The following UVRAG variants were observed in gnomAD, a reference collection of about 807,000 sequenced individuals.
UVRAG encodes the protein UV radiation resistance associated, also known as UV radiation resistance-associated gene protein.
In UVRAG, 19 loss-of-function variants were observed where a neutral mutation model predicts 78.0. The ratio of observed to expected loss-of-function variants is 0.24; its 90% confidence interval spans 0.17 to 0.36. The LOEUF is 0.36. UVRAG is among the 10% of genes least tolerant of loss of function. The pLI is 1.00. For synonymous variants in UVRAG, 323 were observed against 324.6 expected, an observed-to-expected ratio of 1.00 and a Z score of 0.05; for missense variants, 740 against 853.8, an observed-to-expected ratio of 0.87 and a Z score of 1.66.
chr11:76,101,407 A>T (rs7121876), intron 13 of UVRAG, among the ~76,000 whole-genome samples: 5 of 151,790 alleles, frequency 3.3e-5, no homozygotes, highest in Admixed American at 6.6e-5. Flanking sequence ...AGACACTTTT[A>T]AAAAGTGTCT....
intron 13 of UVRAG, among the ~76,000 whole-genome samples, chr11:76,082,933 C>T (rs1591216321): frequency 6.6e-6 from 1 of 151,938 alleles, no homozygotes; most frequent in Non-Finnish European, 1.5e-5. Flanking sequence ...ACTTAGGAGG[C>T]TGAGGTGGGA....
intron 6 of UVRAG, among the ~76,000 whole-genome samples, chr11:75,942,678 C>T (rs945862665): frequency 3.3e-5 from 5 of 152,098 alleles, no homozygotes; most frequent in Non-Finnish European, 7.4e-5. Context: ...ACATTAAACA[C>T]TTGCTAAGTG....
chr11:75,910,275 A>G (rs1024903173), intron 5 of UVRAG, among the ~76,000 whole-genome samples: 4 of 152,196 alleles, frequency 2.6e-5, no homozygotes, highest in Non-Finnish European at 5.9e-5. Flanking sequence ...GGTGCTTATT[A>G]AATACCTTTC....
chr11:75,973,611 G>A (rs1949169797), intron 7 of UVRAG, among the ~76,000 whole-genome samples: 1 of 152,098 alleles, frequency 6.6e-6, no homozygotes, highest in African/African-American at 2.4e-5. Flanking sequence ...ACAATGTGCA[G>A]TTTTGTTACA....
chr11:75,931,080 C>G (rs1191371557), intron 6 of UVRAG, among the ~76,000 whole-genome samples: 1 of 151,684 alleles, frequency 6.6e-6, no homozygotes, highest in Non-Finnish European at 1.5e-5. Context: ...CATGACAGAA[C>G]TATAAATGTT....
chr11:75,937,648 C>CT (rs1565388622), intron 6 of UVRAG, among the ~76,000 whole-genome samples: 1 of 152,036 alleles, frequency 6.6e-6, no homozygotes, highest in Non-Finnish European at 1.5e-5. Flanking sequence ...TGTAGTGTGT[C>CT]TTTTTTTCCT....
chr11:75,828,826 CA>C (rs1413374412), intron 1 of UVRAG, among the ~76,000 whole-genome samples: 3 of 106,866 alleles, frequency 2.8e-5, no homozygotes, highest in African/African-American at 1.0e-4. Context: ...TTTGTAGAGA[CA>C]GGGTTTTGCT....
Position 75,983,810 on chromosome 11 carries a change from A to G in UVRAG, c.826+297A>G, listed in dbSNP as rs550742454. On this transcript the variant is annotated intron_variant, in intron 8 of 14. Transcript: ENST00000356136. ...TGTAGGCAACTATAACACAATGGTG[A>G]GTATTTATGTATCTAAATATATCTA... is the stretch of plus-strand genomic sequence containing the variant. 14 of 237,476 alleles carry G rather than the reference A, an allele frequency of 5.9e-5. No individual in the cohort carries two copies. In the East Asian group the frequency reaches 1.2e-3, roughly 20 times the overall value. 14.7% of individuals were successfully genotyped at this position (237,476 alleles called of 1,614,324 possible). A position where few individuals can be genotyped will look rare whatever the true frequency, so the allele number is the denominator to read the frequency against.
chr11:75,882,472 C>T (rs1946972132), intron 4 of UVRAG, among the ~76,000 whole-genome samples: 1 of 150,072 alleles, frequency 6.7e-6, no homozygotes, highest in African/African-American at 2.5e-5. Flanking sequence ...GAGATGGCGC[C>T]ACTGCACTCC....
chr11:76,118,471 A>G (rs1337196901), intron 14 of UVRAG, among the ~76,000 whole-genome samples: 2 of 152,192 alleles, frequency 1.3e-5, no homozygotes, highest in Non-Finnish European at 2.9e-5. Context: ...GAATGCTTCT[A>G]ATTTTTCACC....
intron 14 of UVRAG, among the ~76,000 whole-genome samples, chr11:76,128,123 GC>G (rs1184060401): frequency 1.3e-5 from 2 of 152,206 alleles, no homozygotes; most frequent in Non-Finnish European, 2.9e-5. Context: ...TGTACCAGTA[GC>G]AGTCCATGTC....
intron 8 of UVRAG, among the ~76,000 whole-genome samples, chr11:76,003,527 AATG>A (rs917412856): frequency 1.3e-4 from 20 of 152,130 alleles, no homozygotes; most frequent in African/African-American, 4.6e-4. Flanking sequence ...GGCCTAAAAT[AATG>A]ATATTTATGA....
intron 13 of UVRAG, among the ~76,000 whole-genome samples, chr11:76,111,919 T>G (rs1952074659): frequency 9.7e-6 from 1 of 103,290 alleles, no homozygotes; most frequent in East Asian, 2.7e-4. Flanking sequence ...AAAAAAAAAG[T>G]CTAAAATAAA....
chr11:75,894,051 T>C (rs1229023237), intron 5 of UVRAG, among the ~76,000 whole-genome samples: 1 of 152,182 alleles, frequency 6.6e-6, no homozygotes, highest in African/African-American at 2.4e-5. Context: ...ATATAGTGTA[T>C]AAGAAAACAG....
intron 6 of UVRAG, among the ~76,000 whole-genome samples, chr11:75,959,259 G>A (rs1948864822): frequency 6.6e-6 from 1 of 152,136 alleles, no homozygotes; most frequent in South Asian, 2.1e-4. Context: ...AGTCCTAGGT[G>A]GCATCTTATT....
chr11:75,836,356 A>G (rs1437162800), intron 1 of UVRAG, among the ~76,000 whole-genome samples: 1 of 152,236 alleles, frequency 6.6e-6, no homozygotes, highest in Admixed American at 6.5e-5. Flanking sequence ...AATAAAACTG[A>G]GGCCCTAAGT....
chr11:76,130,309 T>C (rs41358348), intron 14 of UVRAG, among the ~76,000 whole-genome samples: 2,542 of 152,328 alleles, frequency 0.017, 65 homozygotes, highest in African/African-American at 0.058. Context: ...ATGTATGTGA[T>C]GTATGTGTAC....
chr11:75,941,678 C>G (rs756628259), intron 6 of UVRAG, among the ~76,000 whole-genome samples: 1 of 152,106 alleles, frequency 6.6e-6, no homozygotes, highest in African/African-American at 2.4e-5. Context: ...CCCCTGCAAC[C>G]TGATATTATT....
chr11:75,891,674 T>C (rs918109757), intron 5 of UVRAG, among the ~76,000 whole-genome samples: 1 of 152,120 alleles, frequency 6.6e-6, no homozygotes, highest in Admixed American at 6.5e-5. Context: ...GAGGCTGAGC[T>C]GGGAGGATCA....
Sources: allele counts gnomAD v4.1 joint callset (sites outside exome capture counted in the v4.1 genomes callset), GRCh38; gene constraint gnomAD v4.1.1; transcripts MANE v1.5; gene names NCBI Gene and HGNC (gene_info 2026-07-23, HGNC 2026-07-21).